Variants in CNTNAP2 observed in about 807,000 individuals in gnomAD.
CNTNAP2 encodes contactin-associated protein-like 2.
Under a neutral mutation model 155.2 loss-of-function variants are expected in CNTNAP2, and 98 were observed. That is an observed-to-expected ratio of 0.63 (90% CI 0.54 to 0.75). The LOEUF is 0.75. Among genes scored for constraint, CNTNAP2 ranks in the 30% least tolerant of loss-of-function variants. The pLI is 0.00. For missense variants in CNTNAP2, 1,727 were observed against 1,688.1 expected (o/e 1.02, Z -0.40); for synonymous variants, 651 against 631.2 (o/e 1.03, Z -0.47).
chr7:146,719,259 A>G (rs956516282), intron 1 of CNTNAP2, among the ~76,000 whole-genome samples: 38 of 152,290 alleles, frequency 2.5e-4, no homozygotes, highest in African/African-American at 9.1e-4. Context: ...TGAGGCTACA[A>G]AGAAATGCAG....
chr7:148,004,321 T>C (rs1471826538), intron 15 of CNTNAP2, among the ~76,000 whole-genome samples: 2 of 152,196 alleles, frequency 1.3e-5, no homozygotes, highest in African/African-American at 4.8e-5. Context: ...TTGACTGCTT[T>C]ACATAAATCA....
intron 13 of CNTNAP2, among the ~76,000 whole-genome samples, chr7:147,720,055 G>GT (rs879879403): frequency 3.3e-5 from 5 of 151,854 alleles, no homozygotes; most frequent in Admixed American, 6.6e-5. Context: ...TTCTCTTTCT[G>GT]TTTTTTTCTT....
chr7:147,523,754 C>T (rs983959396), intron 11 of CNTNAP2, among the ~76,000 whole-genome samples: 2 of 152,226 alleles, frequency 1.3e-5, no homozygotes, highest in African/African-American at 4.8e-5. Context: ...AGGTTCCTGT[C>T]TTACTCAATT....
At chr7:148,161,449 G>C (rs897325982) in intron 17 of CNTNAP2, among the ~76,000 whole-genome samples, 1 of 152,040 alleles carries the variant, frequency 6.6e-6, no homozygotes, top group Non-Finnish European at 1.5e-5. Flanking sequence ...CTGGAAAGTT[G>C]AGGGGGCAAA....
chr7:146,465,656 G>C (rs111527541), intron 1 of CNTNAP2, among the ~76,000 whole-genome samples: 177 of 152,220 alleles, frequency 1.2e-3, no homozygotes, highest in African/African-American at 4.1e-3. Flanking sequence ...TTCTGGAGAG[G>C]CATTTAAAAA....
chr7:147,930,068 T>G (rs983096163), intron 14 of CNTNAP2, among the ~76,000 whole-genome samples: 2 of 151,866 alleles, frequency 1.3e-5, no homozygotes, highest in Non-Finnish European at 2.9e-5. Context: ...GGCCACAGAC[T>G]GGTACCGGTC....
intron 1 of CNTNAP2, among the ~76,000 whole-genome samples, chr7:146,750,750 TG>T (rs1431818935): frequency 6.6e-6 from 1 of 152,172 alleles, no homozygotes; most frequent in Non-Finnish European, 1.5e-5. Flanking sequence ...ATATAGTGAT[TG>T]TATCTTTTCT....
chr7:146,510,412 G>A (rs1186131263), intron 1 of CNTNAP2, among the ~76,000 whole-genome samples: 1 of 152,142 alleles, frequency 6.6e-6, no homozygotes, highest in Non-Finnish European at 1.5e-5. Flanking sequence ...TTGAGGTCAG[G>A]TAGTGTGATG....
At chr7:148,264,320 TA>T (rs1796628367) in intron 20 of CNTNAP2, among the ~76,000 whole-genome samples, 1 of 152,106 alleles carries the variant, frequency 6.6e-6, no homozygotes, top group Admixed American at 6.5e-5. Flanking sequence ...TGAAAGAATA[TA>T]CATTAAAAGT....
At chr7:147,704,481 C>A in intron 13 of CNTNAP2, 1 of 166,574 alleles carries the variant, frequency 6.0e-6, no homozygotes. Context: ...AAGAGAAGAC[C>A]ACCCATCCTG....
intron 8 of CNTNAP2, among the ~76,000 whole-genome samples, chr7:147,272,362 G>A (rs34926110): frequency 0.22 from 33,513 of 150,176 alleles, 4,027 homozygotes; most frequent in Non-Finnish European, 0.26. Context: ...GCATGTATAC[G>A]TATTTTTCAC....
In CNTNAP2 at chr7:147,486,036, A is replaced by T; in HGVS notation, c.1772A>T (p.His591Leu). 6.2e-7 allele frequency: 1 copy of T among 1,613,406 alleles called. No homozygotes were observed. The highest frequency in any genetic ancestry group is 8.5e-7 in the Non-Finnish European group (1 of 1,179,350). The change falls in exon 11 of 24, where the codon CAC (histidine) becomes CTC (leucine). Residue 591 changes from histidine to leucine, a missense_variant. Physicochemically the swap from His to Leu is moderately conservative, Grantham distance 99 (BLOSUM62 -3). Transcript: ENST00000361727. ...DETGYSGATC[H>L]NSIYEPSCEA... ...ACAGGATACAGTGGGGCCACCTGCC[A>T]CAACTGTGAGTGCCAATTTATCTCA... is the stretch of plus-strand genomic sequence containing the variant.
At chr7:148,207,283 A>T (rs537301290) in intron 18 of CNTNAP2, among the ~76,000 whole-genome samples, 1 of 152,232 alleles carries the variant, frequency 6.6e-6, no homozygotes, top group African/African-American at 2.4e-5. Flanking sequence ...GTGAATAAAT[A>T]GCTAAGTAGT....
intron 14 of CNTNAP2, among the ~76,000 whole-genome samples, chr7:147,936,551 G>A (rs1044402026): frequency 1.3e-5 from 2 of 152,188 alleles, no homozygotes; most frequent in African/African-American, 4.8e-5. Flanking sequence ...GTCTTCTGGA[G>A]TTGGTTTTGC....
intron 11 of CNTNAP2, among the ~76,000 whole-genome samples, chr7:147,505,252 T>A (rs1798886561): frequency 6.6e-6 from 1 of 152,122 alleles, no homozygotes; most frequent in Admixed American, 6.5e-5. Flanking sequence ...ATTAAAGGTG[T>A]TGGGAAAGAA....
chr7:148,415,431 G>C lies in CNTNAP2; in HGVS notation c.3811G>C (p.Val1271Leu), dbSNP rs773493508. The C allele has an allele frequency of 1.2e-6, 2 of 1,613,942 alleles. No homozygotes were observed. Among genetic ancestry groups the C allele is most frequent in the Non-Finnish European group, 1.7e-6 (2 of 1,180,048 alleles). The stretch of plus-strand genomic sequence containing the variant: ...TTCTCCGTCAGGCGTCATTGCTGTG[G>C]TGATTTTCACCATCCTGTGCACCCT... ...SAIIGGVIAV[V>L]IFTILCTLVF... Residue 1271 changes from valine (V) to leucine (L), a missense_variant, in exon 24 of 24, where the codon GTG becomes CTG. By Grantham distance (32) the Val-to-Leu change is conservative. Coordinates refer to ENST00000361727, the MANE Select transcript of CNTNAP2 (RefSeq NM_014141.6).
At chr7:147,965,701 C>A (rs1801197926) in intron 14 of CNTNAP2, among the ~76,000 whole-genome samples, 2 of 151,968 alleles carry the variant, frequency 1.3e-5, no homozygotes, top group African/African-American at 4.8e-5. Flanking sequence ...GTATTTTCAA[C>A]TTCTTTGGTT....
chr7:147,682,522 G>C (rs955597612), intron 13 of CNTNAP2, among the ~76,000 whole-genome samples: 1 of 151,900 alleles, frequency 6.6e-6, no homozygotes, highest in African/African-American at 2.4e-5. Context: ...AACTTAGTTT[G>C]AAAGTACTTT....
intron 10 of CNTNAP2, among the ~76,000 whole-genome samples, chr7:147,473,581 A>G (rs1180615047): frequency 6.6e-6 from 1 of 152,142 alleles, no homozygotes. Flanking sequence ...ATTTTTAATA[A>G]TACGAAAGGG....
Sources: gnomAD v4.1 joint callset for allele counts (sites outside exome capture counted in the v4.1 genomes callset) on GRCh38, gnomAD v4.1.1 for gene constraint, MANE v1.5 for transcripts, NCBI Gene and HGNC (gene_info 2026-07-23, HGNC 2026-07-21) for gene names.